CEP112: variants seen among roughly 807,000 people sequenced by gnomAD.
The protein encoded by CEP112 is centrosomal protein 112.
CEP112 carries 127 observed loss-of-function variants against 153.0 expected under a neutral mutation model. The ratio of observed to expected loss-of-function variants is 0.83; its 90% CI spans 0.72 to 0.96. The LOEUF is 0.96. CEP112 is among the 40% of genes least tolerant of loss of function. The pLI is 0.00. For missense variants in CEP112, 1,089 were observed against 1,101.2 expected, an observed-to-expected ratio of 0.99 and a Z score of 0.16; for synonymous variants, 358 against 374.4, an observed-to-expected ratio of 0.96 and a Z score of 0.51.
chr17:65,759,265 G>A (rs1227463446), intron 21 of CEP112, among the ~76,000 whole-genome samples: 1 of 152,058 alleles, frequency 6.6e-6, no homozygotes, highest in Non-Finnish European at 1.5e-5. Context: ...CAACCCTAGG[G>A]GCTGCTCTGT....
At chr17:65,811,634 T>G (rs544323256) in intron 21 of CEP112, among the ~76,000 whole-genome samples, 1 of 152,272 alleles carries the variant, frequency 6.6e-6, no homozygotes, top group Non-Finnish European at 1.5e-5. Flanking sequence ...CAATTATGAT[T>G]TAGGGTAGGA....
intron 8 of CEP112, among the ~76,000 whole-genome samples, chr17:66,073,347 T>C (rs1266794458): frequency 1.3e-5 from 2 of 152,190 alleles, no homozygotes; most frequent in Non-Finnish European, 2.9e-5. Flanking sequence ...CCTACTGAGC[T>C]GAGAAAGCAG....
intron 19 of CEP112, among the ~76,000 whole-genome samples, chr17:65,907,579 G>A (rs2060130869): frequency 6.6e-6 from 1 of 152,122 alleles, no homozygotes; most frequent in Admixed American, 6.6e-5. Context: ...TGGATGTCAT[G>A]AGCCCTTTCT....
At chr17:65,789,589 C>T (rs1268586482) in intron 21 of CEP112, among the ~76,000 whole-genome samples, 1 of 152,104 alleles carries the variant, frequency 6.6e-6, no homozygotes, top group African/African-American at 2.4e-5. Context: ...CTTTAGTTCC[C>T]TGAATATGCT....
chr17:65,866,377 C>T (rs1245391873), intron 20 of CEP112, among the ~76,000 whole-genome samples: 1 of 152,236 alleles, frequency 6.6e-6, no homozygotes, highest in East Asian at 1.9e-4. Context: ...GGGCTGAGGG[C>T]AGCTTGGCAC....
intron 8 of CEP112, among the ~76,000 whole-genome samples, chr17:66,090,948 T>C (rs1342014415): frequency 6.6e-6 from 1 of 152,120 alleles, no homozygotes; most frequent in Non-Finnish European, 1.5e-5. Flanking sequence ...CAGGTCATTA[T>C]ACAGTGACAA....
chr17:66,022,505 A>G (rs7212555), intron 16 of CEP112, among the ~76,000 whole-genome samples: 149,575 of 152,004 alleles, frequency 0.98, 73,641 homozygotes, highest in Middle Eastern at 1. Flanking sequence ...TCAGGAGATC[A>G]AGACCACCCT....
At chr17:66,057,186 G>C (rs777567338) in intron 11 of CEP112, among the ~76,000 whole-genome samples, 1 of 152,188 alleles carries the variant, frequency 6.6e-6, no homozygotes, top group African/African-American at 2.4e-5. Context: ...ACAGACTGGA[G>C]GTAGAGGCCA....
rs191805072 is a variant in CEP112 at position 65,926,328 on chromosome 17, G to C, written c.1980+1254C>G. ...TTTTTAGAACTCAGCACAAATGTCA[G>C]GGAAACCCTGATCAGTTATTCAAGG... On this transcript the variant is annotated intron_variant, in intron 19 of 26. Transcript: ENST00000535342. Among the ~76,000 whole-genome samples, 131 of 152,278 alleles carry C rather than the reference G, an allele frequency of 8.6e-4. 3 individuals are homozygous for C. The South Asian group carries it at 8.9e-3, about 10-fold the overall frequency.
chr17:65,906,007 G>C (rs917680600), intron 19 of CEP112, among the ~76,000 whole-genome samples: 2 of 151,124 alleles, frequency 1.3e-5, no homozygotes, highest in African/African-American at 4.9e-5. Context: ...CAATAGCAAA[G>C]ACTTGAAACT....
At chr17:65,741,379 CTAAG>C (rs1458171369) in intron 23 of CEP112, among the ~76,000 whole-genome samples, 3 of 151,864 alleles carry the variant, frequency 2.0e-5, no homozygotes, top group African/African-American at 7.3e-5. Context: ...TATGTATAAT[CTAAG>C]TGAGTGAATC....
chr17:65,652,412 T>A (rs1486396019), intron 24 of CEP112, among the ~76,000 whole-genome samples: 1 of 152,098 alleles, frequency 6.6e-6, no homozygotes, highest in Non-Finnish European at 1.5e-5. Context: ...TTTTTATAAG[T>A]TGCACATAAT....
At chr17:66,129,003 T>C (rs1344528942) in intron 6 of CEP112, among the ~76,000 whole-genome samples, 1 of 152,194 alleles carries the variant, frequency 6.6e-6, no homozygotes, top group Non-Finnish European at 1.5e-5. Flanking sequence ...ATTATTTTTA[T>C]AATAAAACAT....
chr17:66,120,742 C>A (rs531161689), intron 6 of CEP112, among the ~76,000 whole-genome samples: 2 of 152,180 alleles, frequency 1.3e-5, no homozygotes, highest in Admixed American at 1.3e-4. Context: ...CAAATCTATT[C>A]TTTTCATTCT....
Position 65,656,917 on chromosome 17 carries a change from A to C in CEP112, c.2698-15852T>G, listed in dbSNP as rs2046091132. On this transcript the variant is annotated intron_variant, in intron 24 of 26. Coordinates refer to ENST00000535342, the MANE Select transcript of CEP112 (RefSeq NM_001199165.4). The stretch of plus-strand genomic sequence containing the variant: ...CAAGGTCTTCGGAATGTCTACAGTA[A>C]ACTCATCACACATGCTCTCCCTAAA... Among the ~76,000 whole-genome samples, 7 of 152,172 alleles carry C rather than the reference A, an allele frequency of 4.6e-5. No individual in the cohort carries two copies. The South Asian group carries it at 1.5e-3, about 32-fold the overall frequency.
intron 12 of CEP112, among the ~76,000 whole-genome samples, chr17:66,041,144 C>G (rs2065959272): frequency 6.6e-6 from 1 of 150,868 alleles, no homozygotes; most frequent in African/African-American, 2.4e-5. Context: ...AACTATTATC[C>G]TATATTACTA....
At chr17:66,044,500 G>A (rs1399836772) in intron 12 of CEP112, among the ~76,000 whole-genome samples, 1 of 152,128 alleles carries the variant, frequency 6.6e-6, no homozygotes, top group Non-Finnish European at 1.5e-5. Context: ...GGACACACAT[G>A]TGGTATATGC....
intron 8 of CEP112, among the ~76,000 whole-genome samples, chr17:66,095,948 C>A (rs2068326601): frequency 6.6e-6 from 1 of 151,980 alleles, no homozygotes; most frequent in South Asian, 2.1e-4. Context: ...GACATGGTGG[C>A]ACAGCTGTAG....
chr17:65,846,600 G>T (rs1435196677), intron 21 of CEP112, among the ~76,000 whole-genome samples: 4 of 152,086 alleles, frequency 2.6e-5, no homozygotes, highest in East Asian at 1.9e-4. Context: ...ACGGAGTCTC[G>T]CTCTGTTGCC....
Sources: gnomAD v4.1 joint callset for allele counts (sites outside exome capture counted in the v4.1 genomes callset) on GRCh38, gnomAD v4.1.1 for gene constraint, MANE v1.5 for transcripts, NCBI Gene and HGNC (gene_info 2026-07-23, HGNC 2026-07-21) for gene names.